DNAH3: variants seen among roughly 807,000 people sequenced by gnomAD.
DNAH3 encodes the protein dynein axonemal heavy chain 3.
DNAH3 carries 332 observed loss-of-function variants against 432.5 expected under a neutral mutation model. The observed-to-expected ratio is 0.77, with a 90% CI of 0.70 to 0.84. DNAH3 has a LOEUF of 0.84. Ranked by LOEUF, DNAH3 falls within the 40% of genes least tolerant of loss-of-function variation. DNAH3 has a pLI of 0.00. For synonymous variants in DNAH3, 1,956 were observed against 1,900.2 expected (o/e 1.03, Z -0.76); for missense variants, 4,861 against 5,114.0 (o/e 0.95, Z 1.51).
In DNAH3 at chr16:21,049,560, CAG is replaced by C. The variant is rs756619466; in HGVS notation, c.4461+7_4461+8del. On this transcript the variant is annotated splice_region_variant and intron_variant, in intron 31 of 61. Coordinates refer to ENST00000261383, the Ensembl canonical transcript of DNAH3. Reference sequence around the variant, plus strand: ...GCTTCTTTGTTCTGCAGCCTAGAGGCAGAGTTACCTCGATCCTGTTGAACTCA... The same window carrying C: ...GCTTCTTTGTTCTGCAGCCTAGAGGCAGTTACCTCGATCCTGTTGAACTCA... The C allele has an allele frequency of 2.2e-5, 36 of 1,612,784 alleles. No individual in the cohort carries two copies. The highest frequency in any genetic ancestry group is 2.9e-5 in the Non-Finnish European group (34 of 1,178,946).
At chr16:21,157,449 C>T (rs2092906524) in intron 1 of DNAH3, among the ~76,000 whole-genome samples, 1 of 151,332 alleles carries the variant, frequency 6.6e-6, no homozygotes, top group Non-Finnish European at 1.5e-5. Flanking sequence ...TCTGCCTCAG[C>T]CTCCCGAGTA....
chr16:20,964,610 T>A (rs772076192), exon 53 of DNAH3: 18 of 1,614,166 alleles, frequency 1.1e-5, no homozygotes, highest in Non-Finnish European at 1.5e-5. Flanking sequence ...ATGTTCTTAA[T>A]CCATTTATTG....
intron 26 of DNAH3, among the ~76,000 whole-genome samples, chr16:21,059,346 G>C (rs1387998482): frequency 6.6e-6 from 1 of 152,156 alleles, no homozygotes; most frequent in African/African-American, 2.4e-5. Flanking sequence ...CATGTCATAG[G>C]AAAAGGGACT....
At chr16:21,091,590 G>A (rs1051008492) in intron 18 of DNAH3, among the ~76,000 whole-genome samples, 13 of 152,162 alleles carry the variant, frequency 8.5e-5, no homozygotes, top group African/African-American at 3.1e-4. Context: ...GGCCAAGGCA[G>A]GTGGATCACG....
chr16:21,069,710 G>T, intron 22 of DNAH3, 116 bp from the exon 23 acceptor site: 1 of 921,790 alleles, frequency 1.1e-6, no homozygotes, highest in Non-Finnish European at 1.6e-6. Flanking sequence ...TCTGTCACTT[G>T]TTTAACAAAT....
intron 46 of DNAH3, 65 bp downstream of exon 46, chr16:20,987,628 A>C: frequency 6.3e-7 from 1 of 1,576,530 alleles, no homozygotes; most frequent in Middle Eastern, 1.8e-4. Flanking sequence ...TACTGCTATT[A>C]CTACATGTTC....
rs190882607 is a variant in DNAH3, at chr16:21,004,068, G to C, written c.6023-861C>G. 3.2e-4 allele frequency among the ~76,000 whole-genome samples: 49 copies of C among 152,220 alleles called. 1 individual carries two copies. The East Asian group carries it at 7.7e-3, about 24-fold the overall frequency. On this transcript the variant is annotated intron_variant, in intron 41 of 61. Coordinates refer to ENST00000261383, the Ensembl canonical transcript of DNAH3. ...AAACTGAAGGACCTGCTGACTTTCA[G>C]GTACAGTTTTTGTCACTACAAGAGA...
chr16:20,975,342 A>G lies in DNAH3; in HGVS notation c.8150T>C (p.Met2717Thr), dbSNP rs930341637. 1.9e-6 allele frequency: 3 copies of G among 1,613,944 alleles called. No individual in the cohort carries two copies. The highest frequency in any genetic ancestry group is 2.7e-5 in the African/African-American group (2 of 74,876). Reference sequence around the variant, plus strand: ...CGTCTCCGCTTCAATTTTCACCATCATCTTGGCAGTTTCCTCGGAGGTGAG... The same window carrying G: ...CGTCTCCGCTTCAATTTTCACCATCGTCTTGGCAGTTTCCTCGGAGGTGAG... The change falls in exon 51 of 62, where the codon ATG (methionine) becomes ACG (threonine). Residue 2717 changes from methionine (M) to threonine (T), a missense_variant. Met to Thr is a moderately conservative substitution (Grantham distance 81). Coordinates refer to ENST00000261383, the Ensembl canonical transcript of DNAH3.
chr16:21,000,010 AAAGGAGGGAAGAAGGAAAGG>A (rs2086940330), intron 43 of DNAH3, among the ~76,000 whole-genome samples, 194 bp downstream of exon 43: 1 of 150,998 alleles, frequency 6.6e-6, no homozygotes, highest in African/African-American at 2.4e-5. Flanking sequence ...AGGAAGGAGA[AAAGGAGGGAAGAAGGAAAGG>A]AGGGAGGGAG....
intron 58 of DNAH3, among the ~76,000 whole-genome samples, chr16:20,942,630 G>A (rs1224360806): frequency 6.6e-6 from 1 of 152,210 alleles, no homozygotes; most frequent in African/African-American, 2.4e-5. Context: ...GAGAAGGGAA[G>A]GGATGGGAGA....
intron 41 of DNAH3, among the ~76,000 whole-genome samples, chr16:21,012,799 T>C (rs1010244248): frequency 2.6e-5 from 4 of 152,148 alleles, no homozygotes; most frequent in Non-Finnish European, 5.9e-5. Flanking sequence ...TCTTACTCTG[T>C]CACCCAGGCT....
chr16:20,969,840 T>G (rs12929546), exon 52 of DNAH3: 2 of 1,614,066 alleles, frequency 1.2e-6, no homozygotes, highest in Admixed American at 3.3e-5. Context: ...CCTTTCATGA[T>G]GCAGATGCTC....
chr16:21,102,152 GC>G (rs2091852621), intron 16 of DNAH3, among the ~76,000 whole-genome samples: 1 of 152,176 alleles, frequency 6.6e-6, no homozygotes, highest in Admixed American at 6.5e-5. Flanking sequence ...GCCCAGGGCT[GC>G]CCTGCTGAGC....
intron 7 of DNAH3, among the ~76,000 whole-genome samples, chr16:21,130,713 CA>C (rs1296312053): frequency 1.3e-5 from 2 of 152,112 alleles, no homozygotes; most frequent in Non-Finnish European, 2.9e-5. Flanking sequence ...CCATGAAAAG[CA>C]AGTGGTAAAA....
At chr16:21,048,030 C>G (rs1451158622) in intron 31 of DNAH3, among the ~76,000 whole-genome samples, 5 of 152,292 alleles carry the variant, frequency 3.3e-5, no homozygotes, top group Admixed American at 6.5e-5. Flanking sequence ...GCAGTCTGCC[C>G]GTTCTCAGAT....
At chr16:21,034,452 C>T (rs577445122) in intron 35 of DNAH3, among the ~76,000 whole-genome samples, 1 of 152,138 alleles carries the variant, frequency 6.6e-6, no homozygotes, top group Non-Finnish European at 1.5e-5. Flanking sequence ...AGTGATGGAG[C>T]CAGAATTTGC....
At position 20,982,596 on chromosome 16, in the gene DNAH3, T is replaced by C. The variant is rs956714289; in HGVS notation, c.7859+125A>G. 29 of 724,646 alleles carry C rather than the reference T, an allele frequency of 4.0e-5. No individual in the cohort carries two copies. The African/African-American group carries it at 4.2e-4, about 11-fold the overall frequency. 44.9% of individuals were successfully genotyped at this position (724,646 alleles called of 1,614,324 possible). A position where few individuals can be genotyped will look rare whatever the true frequency, so the allele number is the denominator to read the frequency against. On this transcript the variant is annotated intron_variant, in intron 49 of 61. Coordinates refer to ENST00000261383, the Ensembl canonical transcript of DNAH3. ...AAATATCTAACTAACTGTGATTCAATTTAAAAGCATAAGACATTTGCTATA... is the reference window on the plus strand; with the variant it reads ...AAATATCTAACTAACTGTGATTCAACTTAAAAGCATAAGACATTTGCTATA...
intron 42 of DNAH3, among the ~76,000 whole-genome samples, chr16:21,002,502 C>T (rs1465285537): frequency 1.3e-5 from 2 of 151,538 alleles, no homozygotes; most frequent in Non-Finnish European, 2.9e-5. Flanking sequence ...GCTCTTGTCA[C>T]CCAGGCTGAA....
chr16:21,041,878 G>A (rs759317810), intron 32 of DNAH3, 149 bp downstream of exon 32: 8 of 841,944 alleles, frequency 9.5e-6, no homozygotes, highest in Non-Finnish European at 1.5e-5. Flanking sequence ...TCACCACATT[G>A]GACAGGCTGA....
Sources: gnomAD v4.1 joint callset for allele counts (sites outside exome capture counted in the v4.1 genomes callset) on GRCh38, gnomAD v4.1.1 for gene constraint, MANE v1.5 for transcripts, NCBI Gene and HGNC (gene_info 2026-07-23, HGNC 2026-07-21) for gene names.